Variants in FRRS1L observed in about 807,000 individuals in gnomAD.
FRRS1L encodes the protein DOMON domain-containing protein FRRS1L.
In FRRS1L, 22 loss-of-function variants were observed where a neutral mutation model predicts 28.6. That is an observed-to-expected ratio of 0.77 (90% CI 0.55 to 1.10). FRRS1L has a LOEUF of 1.10. Ranked by LOEUF, FRRS1L falls within the 50% of genes least tolerant of loss-of-function variation. The pLI is 0.00. For missense variants in FRRS1L, 380 were observed against 386.9 expected, an observed-to-expected ratio of 0.98 and a Z score of 0.15; for synonymous variants, 158 against 151.4, an observed-to-expected ratio of 1.04 and a Z score of -0.32.
In FRRS1L at chr9:109,134,688, A is replaced by C. The variant is rs547931181; in HGVS notation, c.*2767T>G. The stretch of plus-strand genomic sequence containing the variant: ...CAAATGAGAAATCACTAGTGAAATA[A>C]TTAGCTTGATTAGAAATGTAAGCGG... On this transcript the variant is annotated 3_prime_UTR_variant, in exon 5 of 5. Transcript: ENST00000561981. 6.6e-6 allele frequency: 1 copy of C among 152,322 alleles called. No homozygotes were observed. The highest frequency in any genetic ancestry group is 6.5e-5 in the Admixed American group (1 of 15,302). 9.4% of individuals were successfully genotyped at this position (152,322 alleles called of 1,614,324 possible).
At position 109,141,114 on chromosome 9, in the gene FRRS1L, T is replaced by C; in HGVS notation, c.709+229A>G. On this transcript the variant is annotated intron_variant, in intron 4 of 4. Transcript: ENST00000561981. ...ACATCACTCATGACATACTATCTTG[T>C]ACTGCTGTAGCTTTGCATGTGTGTA... is the stretch of plus-strand genomic sequence containing the variant. 5.2e-6 allele frequency: 3 copies of C among 580,536 alleles called. No homozygotes were observed. The South Asian group carries it at 6.2e-5, about 12-fold the overall frequency. The allele number at this position is 580,536 out of a possible 1,614,324, so 36.0% of individuals were successfully genotyped here.
At chr9:109,144,125 G>A (rs1831223533) in intron 3 of FRRS1L, among the ~76,000 whole-genome samples, 1 of 152,094 alleles carries the variant, frequency 6.6e-6, no homozygotes, top group African/African-American at 2.4e-5. Flanking sequence ...GGTGTGGCAT[G>A]CCCTGCTGTT....
Position 109,141,558 on chromosome 9 carries a change from T to C in FRRS1L, c.494A>G (p.Asp165Gly), listed in dbSNP as rs762128349. ...CTGTATGCGGACCCTGCCATTGTCA[T>C]CATGGACGCAGGCCATGACATCATC... ...GGDDVMACVH[D>G]DNGRVRIQHF... The change falls in exon 4 of 5, where the codon GAT (aspartate) becomes GGT (glycine). Residue 165 changes from aspartate to glycine, a missense_variant. By Grantham distance (94) the Asp-to-Gly change is moderately conservative. Coordinates refer to ENST00000561981, the MANE Select transcript of FRRS1L (RefSeq NM_014334.4). 5 of 1,613,922 alleles carry C rather than the reference T, an allele frequency of 3.1e-6. No individual in the cohort carries two copies. In the South Asian group the frequency reaches 4.4e-5, roughly 14 times the overall value.
chr9:109,134,062 G>A lies in FRRS1L; in HGVS notation c.*3393C>T, dbSNP rs1340759425. The A allele has an allele frequency of 2.0e-5, 3 of 152,130 alleles. No individual in the cohort carries two copies. The highest frequency in any genetic ancestry group is 4.4e-5 in the Non-Finnish European group (3 of 68,026). 9.4% of individuals were successfully genotyped at this position (152,130 alleles called of 1,614,324 possible). On this transcript the variant is annotated 3_prime_UTR_variant, in exon 5 of 5. Coordinates refer to ENST00000561981, the MANE Select transcript of FRRS1L (RefSeq NM_014334.4). ...TTCTATTTATGTTTCAAAAGACAAAGTTCAGTGTTTGCTAACATAATTATT... is the reference window on the plus strand; with the variant it reads ...TTCTATTTATGTTTCAAAAGACAAAATTCAGTGTTTGCTAACATAATTATT...
intron 1 of FRRS1L, among the ~76,000 whole-genome samples, chr9:109,152,518 G>A (rs912158689): frequency 1.3e-5 from 2 of 150,848 alleles, no homozygotes; most frequent in Non-Finnish European, 2.9e-5. Context: ...AGAACAACAA[G>A]TTTCAGCTGG....
intron 4 of FRRS1L, chr9:109,139,046 A>G (rs1831148060): frequency 6.6e-6 from 1 of 152,004 alleles, no homozygotes; most frequent in Non-Finnish European, 1.5e-5. Context: ...TAAAAATACA[A>G]AAGTTATCTG....
chr9:109,141,540 C>T lies in FRRS1L; in HGVS notation c.512G>A (p.Arg171His), dbSNP rs534260927. The T allele has an allele frequency of 1.4e-5, 22 of 1,613,826 alleles. No homozygotes were observed. Among genetic ancestry groups the T allele is most frequent in the South Asian group, 3.3e-5 (3 of 91,062 alleles). ...GCCTACATTATAGAAGTGCTGTATGCGGACCCTGCCATTGTCATCATGGAC... is the reference window on the plus strand; with the variant it reads ...GCCTACATTATAGAAGTGCTGTATGTGGACCCTGCCATTGTCATCATGGAC... The part of the protein sequence containing the change: ...ACVHDDNGRV[R>H]IQHFYNVGQW... Residue 171 changes from arginine to histidine, a missense_variant, in exon 4 of 5, where the codon CGC (arginine) becomes CAC (histidine). Arg to His is a conservative substitution (Grantham distance 29, BLOSUM62 0). Transcript: ENST00000561981.
In FRRS1L at chr9:109,134,857, C is replaced by A. The variant is rs1015133507; in HGVS notation, c.*2598G>T. ...TTGCTTCTTATTTACAACATGGCTG[C>A]CTGCATATCAGTATCTTCACTACTA... On this transcript the variant is annotated 3_prime_UTR_variant, in exon 5 of 5. Coordinates refer to ENST00000561981, the MANE Select transcript of FRRS1L (RefSeq NM_014334.4). 6.6e-6 allele frequency: 1 copy of A among 152,142 alleles called. No homozygotes were observed. The highest frequency in any genetic ancestry group is 1.5e-5 in the Non-Finnish European group (1 of 68,026). The allele number at this position is 152,142 out of a possible 1,614,324, so 9.4% of individuals were successfully genotyped here.
Position 109,167,183 on chromosome 9 carries a change from G to C in FRRS1L, c.-45C>G. 8.6e-7 allele frequency: 1 copy of C among 1,159,840 alleles called. No individual in the cohort carries two copies. Among genetic ancestry groups the C allele is most frequent in the East Asian group, 4.2e-5 (1 of 23,788 alleles). The allele number at this position is 1,159,840 out of a possible 1,614,324, so 71.8% of individuals were successfully genotyped here. ...AGCCAGGCCGCTCGGGCCGCAGCGGGGGCGCCGCGGGCGCGGGCCGGGACT... is the reference window on the plus strand; with the variant it reads ...AGCCAGGCCGCTCGGGCCGCAGCGGCGGCGCCGCGGGCGCGGGCCGGGACT... On this transcript the variant is annotated 5_prime_UTR_variant, in exon 1 of 5. Transcript: ENST00000561981.
intron 1 of FRRS1L, among the ~76,000 whole-genome samples, chr9:109,153,392 C>A (rs12346943): frequency 0.056 from 8,497 of 152,238 alleles, 374 homozygotes; most frequent in East Asian, 0.13. Flanking sequence ...CGGCCCAGTG[C>A]AGCTTCCTGG....
rs1296123906 is a variant in FRRS1L at position 109,153,363 on chromosome 9, A to G, written c.239-3643T>C. Among the ~76,000 whole-genome samples, 14 of 152,208 alleles carry G rather than the reference A, an allele frequency of 9.2e-5. 1 individual carries two copies. The highest frequency in any genetic ancestry group is 8.3e-4 in the South Asian group (4 of 4,832). ...ATCATTCCAACATAGTGAGACCCCA[A>G]TAAAAACTCTGGACACTGCGGCCCA... On this transcript the variant is annotated intron_variant, in intron 1 of 4. Coordinates refer to ENST00000561981, the MANE Select transcript of FRRS1L (RefSeq NM_014334.4).
chr9:109,161,375 A>T (rs569502085), intron 1 of FRRS1L, among the ~76,000 whole-genome samples: 1 of 152,178 alleles, frequency 6.6e-6, no homozygotes, highest in Non-Finnish European at 1.5e-5. Context: ...TTTTTTAAAA[A>T]AGGGTGTATC....
Position 109,149,716 on chromosome 9 carries a change from G to A in FRRS1L, c.243C>T (p.Tyr81=), listed in dbSNP as rs1831307565. 1 of 1,608,998 alleles carries A rather than the reference G, an allele frequency of 6.2e-7. No individual in the cohort carries two copies. Among genetic ancestry groups the A allele is most frequent in the Non-Finnish European group, 8.5e-7 (1 of 1,175,460 alleles). The change falls in exon 2 of 5, where the codon TAC becomes TAT. Residue 81 remains tyrosine, a synonymous_variant. Transcript: ENST00000561981. ...CCACAGGAGGAGCAGTAGGGAAGGG[G>A]TAACCTGGGCAGTGAGAATAAAGAA... ...YDLRYLSEEG[Y]PFPTAPPVDP...
At chr9:109,161,379 G>A (rs1210703210) in intron 1 of FRRS1L, among the ~76,000 whole-genome samples, 1 of 152,094 alleles carries the variant, frequency 6.6e-6, no homozygotes, top group African/African-American at 2.4e-5. Context: ...TTAAAAAAGG[G>A]TGTATCAATT....
At chr9:109,161,867 T>G (rs533093531) in intron 1 of FRRS1L, among the ~76,000 whole-genome samples, 2 of 152,338 alleles carry the variant, frequency 1.3e-5, no homozygotes, top group East Asian at 3.9e-4. Context: ...GGTCGTATTA[T>G]GAAGTAAAAG....
chr9:109,136,472 T>C lies in FRRS1L; in HGVS notation c.*983A>G, dbSNP rs568674238. The C allele has an allele frequency of 6.6e-6, 1 of 152,102 alleles. No individual in the cohort carries two copies. The highest frequency in any genetic ancestry group is 1.5e-5 in the Non-Finnish European group (1 of 67,994). The allele number at this position is 152,102 out of a possible 1,614,324, so 9.4% of individuals were successfully genotyped here. On this transcript the variant is annotated 3_prime_UTR_variant, in exon 5 of 5. Coordinates refer to ENST00000561981, the MANE Select transcript of FRRS1L (RefSeq NM_014334.4). ...TTTGCAAATAGCAGTAAAAATGTTT[T>C]CCCATAGCTGCTCTCTAACTGAGAA...
intron 1 of FRRS1L, among the ~76,000 whole-genome samples, chr9:109,152,520 T>C (rs1458141911): frequency 1.3e-5 from 2 of 151,410 alleles, no homozygotes; most frequent in African/African-American, 2.4e-5. Flanking sequence ...AACAACAAGT[T>C]TCAGCTGGGC....
At chr9:109,150,631 C>T (rs563258117) in intron 1 of FRRS1L, 1 of 152,198 alleles carries the variant, frequency 6.6e-6, no homozygotes, top group South Asian at 2.1e-4. Context: ...CATACCATAC[C>T]CAACTTGTCG....
In FRRS1L at chr9:109,137,392, TA is replaced by T. The variant is rs1338824302; in HGVS notation, c.*62del. ...AGCTAAAATTATACTGGATATTCTT[TA>T]AAAAATATATTTATACTAAAGACTT... On this transcript the variant is annotated 3_prime_UTR_variant, in exon 5 of 5. Coordinates refer to ENST00000561981, the MANE Select transcript of FRRS1L (RefSeq NM_014334.4). The T allele has an allele frequency of 1.9e-6, 2 of 1,056,930 alleles. No individual in the cohort carries two copies. The highest frequency in any genetic ancestry group is 2.6e-6 in the Non-Finnish European group (2 of 773,012). 65.5% of individuals were successfully genotyped at this position (1,056,930 alleles called of 1,614,324 possible). A position where few individuals can be genotyped will look rare whatever the true frequency, so the allele number is the denominator to read the frequency against.
Sources: allele counts gnomAD v4.1 joint callset (sites outside exome capture counted in the v4.1 genomes callset), GRCh38; gene constraint gnomAD v4.1.1; transcripts MANE v1.5; gene names NCBI Gene and HGNC (gene_info 2026-07-23, HGNC 2026-07-21).